Variants in TBCA observed in about 807,000 individuals in gnomAD.
TBCA encodes tubulin-specific chaperone A.
In TBCA, 6 loss-of-function variants were observed where a neutral mutation model predicts 15.8. That is an observed-to-expected ratio of 0.38 (90% confidence interval 0.21 to 0.75). The LOEUF is 0.75. Ranked by LOEUF, TBCA falls within the 30% of genes least tolerant of loss-of-function variation. The pLI is 0.46. For missense variants in TBCA, 90 were observed against 131.2 expected (o/e 0.69, Z 1.53); for synonymous variants, 32 against 42.3 (o/e 0.76, Z 0.94).
intron 1 of TBCA, among the ~76,000 whole-genome samples, chr5:77,722,648 A>C (rs903712093): frequency 6.6e-6 from 1 of 151,954 alleles, no homozygotes; most frequent in Non-Finnish European, 1.5e-5. Flanking sequence ...AGCACAGAAC[A>C]CTTTTTCAAC....
chr5:77,770,728 T>TAA (rs200258634), intron 1 of TBCA, among the ~76,000 whole-genome samples: 7 of 132,548 alleles, frequency 5.3e-5, no homozygotes, highest in South Asian at 2.5e-4. Flanking sequence ...ATCCAAATCT[T>TAA]AAAAAAAAAA....
Position 77,693,267 on chromosome 5 carries a change from AGTATCC to A in TBCA, c.239_244del (p.Arg80_Ile81del). ...CATGACACAGAAGTCTTTGCTTACT[AGTATCC>A]GTTGAAGATCCAAATATGCGGCTTC... is the stretch of plus-strand genomic sequence containing the variant. On this transcript the variant is annotated inframe_deletion and splice_region_variant, in exon 3 of 4. Coordinates refer to ENST00000380377, the MANE Select transcript of TBCA (RefSeq NM_004607.3). The A allele has an allele frequency of 6.2e-7, 1 of 1,613,844 alleles. No homozygotes were observed. The highest frequency in any genetic ancestry group is 2.2e-5 in the East Asian group (1 of 44,866).
chr5:77,708,522 GCT>G, intron 1 of TBCA, 175 bp from the exon 2 acceptor site: 1 of 478,262 alleles, frequency 2.1e-6, no homozygotes, highest in Non-Finnish European at 3.8e-6. Context: ...TGATCCTCAT[GCT>G]CTTAAGTCCT....
At chr5:77,741,223 G>C (rs190026687) in intron 1 of TBCA, among the ~76,000 whole-genome samples, 1 of 152,154 alleles carries the variant, frequency 6.6e-6, no homozygotes, top group Admixed American at 6.5e-5. Context: ...GTGTGGTTCC[G>C]AGAGAGAGAA....
intron 1 of TBCA, among the ~76,000 whole-genome samples, chr5:77,752,719 C>A (rs1284700139): frequency 8.9e-6 from 1 of 112,618 alleles, no homozygotes; most frequent in African/African-American, 3.1e-5. Flanking sequence ...CCACCGCGCC[C>A]GGCTAATTTT....
chr5:77,695,858 C>A (rs1458117934), intron 2 of TBCA, among the ~76,000 whole-genome samples: 2 of 152,108 alleles, frequency 1.3e-5, no homozygotes, highest in Admixed American at 1.3e-4. Context: ...GGATGTGGTA[C>A]TCACTGATGT....
intron 1 of TBCA, among the ~76,000 whole-genome samples, chr5:77,719,853 C>A (rs1418573137): frequency 1.3e-5 from 2 of 152,086 alleles, no homozygotes; most frequent in African/African-American, 4.8e-5. Context: ...GTGCATACTA[C>A]TGAAAGGGCT....
chr5:77,763,944 T>C (rs1378436080), intron 1 of TBCA, among the ~76,000 whole-genome samples: 2 of 152,090 alleles, frequency 1.3e-5, no homozygotes, highest in African/African-American at 2.4e-5. Flanking sequence ...AGAATGTACA[T>C]AGAAACACAG....
intron 1 of TBCA, among the ~76,000 whole-genome samples, chr5:77,710,110 C>A (rs974978303): frequency 2.6e-5 from 4 of 152,074 alleles, no homozygotes; most frequent in Admixed American, 1.3e-4. Flanking sequence ...CTCTGTGAAT[C>A]TACTAAAAGC....
At chr5:77,713,538 T>C (rs1398657716) in intron 1 of TBCA, among the ~76,000 whole-genome samples, 2 of 152,146 alleles carry the variant, frequency 1.3e-5, no homozygotes, top group Non-Finnish European at 2.9e-5. Context: ...CCTAAAAAAA[T>C]ATTTTAAATA....
At chr5:77,706,844 A>G (rs544485728) in intron 2 of TBCA, among the ~76,000 whole-genome samples, 29 of 151,620 alleles carry the variant, frequency 1.9e-4, no homozygotes, top group Non-Finnish European at 2.8e-4. Flanking sequence ...AAAGAAAAGA[A>G]AAAAAGAAAT....
intron 1 of TBCA, among the ~76,000 whole-genome samples, chr5:77,719,933 T>A (rs1746490489): frequency 6.6e-6 from 1 of 152,054 alleles, no homozygotes; most frequent in African/African-American, 2.4e-5. Flanking sequence ...AGCTGCTTCA[T>A]CTCCATACAA....
At chr5:77,746,457 T>C (rs1392245303) in intron 1 of TBCA, among the ~76,000 whole-genome samples, 1 of 152,160 alleles carries the variant, frequency 6.6e-6, no homozygotes, top group East Asian at 1.9e-4. Context: ...TGTCATACTA[T>C]GCACTTGATC....
intron 1 of TBCA, among the ~76,000 whole-genome samples, chr5:77,763,161 G>C (rs1011862822): frequency 1.3e-5 from 2 of 152,182 alleles, no homozygotes; most frequent in South Asian, 4.1e-4. Flanking sequence ...GGAGAATGGC[G>C]TGAACCCGGG....
intron 1 of TBCA, among the ~76,000 whole-genome samples, chr5:77,712,674 T>C (rs908387239): frequency 1.4e-4 from 21 of 152,298 alleles, no homozygotes; most frequent in African/African-American, 5.1e-4. Flanking sequence ...ACATTGTTTA[T>C]TGTTTGAAAC....
chr5:77,707,270 C>T (rs765582642), intron 2 of TBCA, among the ~76,000 whole-genome samples: 6 of 152,122 alleles, frequency 3.9e-5, no homozygotes, highest in African/African-American at 7.2e-5. Flanking sequence ...AGTTCCCTAA[C>T]GGCCTCTATT....
At chr5:77,744,847 T>G (rs993238769) in intron 1 of TBCA, among the ~76,000 whole-genome samples, 1 of 152,266 alleles carries the variant, frequency 6.6e-6, no homozygotes, top group African/African-American at 2.4e-5. Flanking sequence ...CTTATTCACC[T>G]TTCTTCATCC....
chr5:77,697,350 A>G (rs1385748348), intron 2 of TBCA, among the ~76,000 whole-genome samples: 5 of 152,230 alleles, frequency 3.3e-5, no homozygotes, highest in African/African-American at 1.2e-4. Context: ...TATTTACTGA[A>G]GTAAGCCACA....
chr5:77,774,551 T>C (rs1747978647), intron 1 of TBCA, among the ~76,000 whole-genome samples: 1 of 152,212 alleles, frequency 6.6e-6, no homozygotes, highest in Non-Finnish European at 1.5e-5. Context: ...TTCAACGAAC[T>C]GCCAATTGGA....
Sources: allele counts gnomAD v4.1 joint callset (sites outside exome capture counted in the v4.1 genomes callset), GRCh38; gene constraint gnomAD v4.1.1; transcripts MANE v1.5; gene names NCBI Gene and HGNC (gene_info 2026-07-23, HGNC 2026-07-21).